Variants in PRKN observed in about 807,000 individuals in gnomAD.
PRKN encodes the protein E3 ubiquitin-protein ligase parkin.
PRKN carries 56 observed loss-of-function variants against 59.5 expected under a neutral mutation model. The observed-to-expected ratio is 0.94, with a 90% CI of 0.76 to 1.18. The LOEUF is 1.18. Among genes scored for constraint, PRKN ranks in the 50% most tolerant of loss-of-function variants. PRKN has a pLI of 0.00. For missense variants in PRKN, 657 were observed against 596.4 expected (o/e 1.10, Z -1.06); for synonymous variants, 250 against 222.1 (o/e 1.13, Z -1.12).
intron 4 of PRKN, among the ~76,000 whole-genome samples, chr6:162,096,346 A>C (rs1779730587): frequency 6.6e-6 from 1 of 152,218 alleles, no homozygotes; most frequent in Admixed American, 6.5e-5. Context: ...CAAGCATATA[A>C]AAATAGATAA....
rs1364520023 is a variant in PRKN at position 162,592,285 on chromosome 6, C to G, written c.7+135377G>C. ...AGATTACAGGTGTGAGCCACTGCAG[C>G]TGGCCCAGGACCTCATTCTTGTAAC... On this transcript the variant is annotated intron_variant, in intron 1 of 11. Coordinates refer to ENST00000366898, the MANE Select transcript of PRKN (RefSeq NM_004562.3). 3.9e-5 allele frequency among the ~76,000 whole-genome samples: 6 copies of G among 152,304 alleles called. No homozygotes were observed. The East Asian group carries it at 5.8e-4, about 15-fold the overall frequency.
chr6:162,320,073 CTCTA>C (rs780733733), intron 2 of PRKN, among the ~76,000 whole-genome samples: 45 of 151,970 alleles, frequency 3.0e-4, no homozygotes, highest in Non-Finnish European at 4.9e-4. Flanking sequence ...ATTTGTCTTT[CTCTA>C]TCTGACTTGT....
At chr6:162,133,572 G>A (rs149415910) in intron 4 of PRKN, among the ~76,000 whole-genome samples, 1 of 152,136 alleles carries the variant, frequency 6.6e-6, no homozygotes, top group South Asian at 2.1e-4. Context: ...AAATAGGGCT[G>A]GAAATATCAA....
At chr6:161,425,558 T>C (rs1196987723) in intron 9 of PRKN, among the ~76,000 whole-genome samples, 6 of 152,244 alleles carry the variant, frequency 3.9e-5, no homozygotes, top group South Asian at 2.1e-4. Flanking sequence ...CCTTGTCTTT[T>C]GAGATCAGAA....
chr6:161,553,924 G>A (rs9364602), intron 8 of PRKN, among the ~76,000 whole-genome samples: 61,521 of 151,784 alleles, frequency 0.41, 12,693 homozygotes, highest in East Asian at 0.67. Flanking sequence ...CATCTTACAC[G>A]TTTCCTGCTC....
chr6:161,580,378 C>A (rs746815178), intron 7 of PRKN, among the ~76,000 whole-genome samples: 98 of 152,186 alleles, frequency 6.4e-4, no homozygotes, highest in Non-Finnish European at 1.0e-3. Context: ...GCTCAGGTGA[C>A]TGCACCATGG....
intron 7 of PRKN, among the ~76,000 whole-genome samples, chr6:161,585,248 T>C (rs1340081973): frequency 6.6e-6 from 1 of 152,246 alleles, no homozygotes; most frequent in Non-Finnish European, 1.5e-5. Flanking sequence ...CTACACATTG[T>C]ACAAGAAGGT....
chr6:162,304,876 G>A (rs1487268130), intron 2 of PRKN, among the ~76,000 whole-genome samples: 1 of 138,834 alleles, frequency 7.2e-6, no homozygotes, highest in Non-Finnish European at 1.6e-5. Flanking sequence ...AGTGAAAATG[G>A]AAATCCAGGT....
chr6:161,818,429 T>C (rs997957081), intron 6 of PRKN, among the ~76,000 whole-genome samples: 4 of 151,902 alleles, frequency 2.6e-5, no homozygotes, highest in Non-Finnish European at 4.4e-5. Context: ...CAACCTCCCA[T>C]GCCCAAGTAT....
At chr6:162,702,975 T>G (rs1479594600) in intron 1 of PRKN, among the ~76,000 whole-genome samples, 1 of 152,160 alleles carries the variant, frequency 6.6e-6, no homozygotes, top group Non-Finnish European at 1.5e-5. Flanking sequence ...AGGCAAAAAA[T>G]TAAATGAATC....
chr6:162,718,062 G>A (rs1397823280), intron 1 of PRKN, among the ~76,000 whole-genome samples: 1 of 152,114 alleles, frequency 6.6e-6, no homozygotes, highest in East Asian at 1.9e-4. Flanking sequence ...GGCCCCTAAT[G>A]CTATCTAGTT....
intron 2 of PRKN, among the ~76,000 whole-genome samples, chr6:162,300,509 C>A (rs1401586614): frequency 6.7e-6 from 1 of 149,440 alleles, no homozygotes; most frequent in East Asian, 2.0e-4. Flanking sequence ...TTTTTTTTTT[C>A]TTTTTATGTC....
intron 1 of PRKN, among the ~76,000 whole-genome samples, chr6:162,616,450 A>G (rs906548432): frequency 6.6e-6 from 1 of 152,162 alleles, no homozygotes; most frequent in African/African-American, 2.4e-5. Context: ...AATGCCATAA[A>G]TATTATTTAT....
chr6:162,198,034 C>T (rs1349550249), intron 4 of PRKN, among the ~76,000 whole-genome samples: 3 of 152,104 alleles, frequency 2.0e-5, no homozygotes, highest in Non-Finnish European at 4.4e-5. Context: ...GTGAATGATA[C>T]CTGCAATACT....
chr6:162,456,851 A>G (rs1284821443), intron 1 of PRKN, among the ~76,000 whole-genome samples: 1 of 152,192 alleles, frequency 6.6e-6, no homozygotes, highest in Non-Finnish European at 1.5e-5. Flanking sequence ...GGTTTCTATA[A>G]TGTGTATTTC....
At chr6:162,434,135 A>T (rs1376984426) in intron 2 of PRKN, among the ~76,000 whole-genome samples, 1 of 152,090 alleles carries the variant, frequency 6.6e-6, no homozygotes, top group Non-Finnish European at 1.5e-5. Flanking sequence ...AAAAATTATA[A>T]TTTTTCCCAG....
At chr6:161,687,424 C>T (rs1362901787) in intron 7 of PRKN, among the ~76,000 whole-genome samples, 2 of 128,182 alleles carry the variant, frequency 1.6e-5, no homozygotes, top group Non-Finnish European at 3.3e-5. Flanking sequence ...AAGAATACAA[C>T]ATTAACAAAA....
chr6:161,977,542 G>GTTTTTT lies in PRKN; in HGVS notation c.619-4131_619-4126dup, dbSNP rs1554256833. On this transcript the variant is annotated intron_variant, in intron 5 of 11. Transcript: ENST00000366898. ...ATCTTCTCTACTTTCTGTTTTTTTG[G>GTTTTTT]TTTTTTTTTTTTTTTTTTTTTTTAA... Among the ~76,000 whole-genome samples the GTTTTTT allele has an allele frequency of 4.4e-4, 46 of 104,520 alleles. 3 individuals carry two copies. The highest frequency in any genetic ancestry group is 9.7e-4 in the African/African-American group (26 of 26,936). The allele number at this position is 104,520 out of a possible 152,430, so 68.6% of individuals were successfully genotyped here.
At chr6:162,180,836 C>T (rs1342996236) in intron 4 of PRKN, among the ~76,000 whole-genome samples, 3 of 152,206 alleles carry the variant, frequency 2.0e-5, no homozygotes, top group African/African-American at 7.2e-5. Flanking sequence ...TCCTGTATCT[C>T]AATGACTGGG....
Sources: gnomAD v4.1 joint callset for allele counts (sites outside exome capture counted in the v4.1 genomes callset) on GRCh38, gnomAD v4.1.1 for gene constraint, MANE v1.5 for transcripts, NCBI Gene and HGNC (gene_info 2026-07-23, HGNC 2026-07-21) for gene names.